PTPRR: variants seen among roughly 807,000 people sequenced by gnomAD.
PTPRR encodes receptor-type tyrosine-protein phosphatase R.
PTPRR carries 38 observed loss-of-function variants against 77.2 expected under a neutral mutation model. That is an observed-to-expected ratio of 0.49 (90% confidence interval 0.38 to 0.65). PTPRR has a LOEUF of 0.65. Ranked by LOEUF, PTPRR falls within the 30% of genes least tolerant of loss-of-function variation. PTPRR has a pLI of 0.00. For synonymous variants in PTPRR, 299 were observed against 283.1 expected (o/e 1.06, Z -0.57); for missense variants, 744 against 799.2 (o/e 0.93, Z 0.83).
chr12:70,748,847 A>G (rs1192725671), intron 5 of PTPRR, among the ~76,000 whole-genome samples: 1 of 152,212 alleles, frequency 6.6e-6, no homozygotes, highest in East Asian at 1.9e-4. Context: ...TTTTAATTTA[A>G]TAATCCTGAG....
At chr12:70,893,207 A>G (rs1379099392) in intron 1 of PTPRR, among the ~76,000 whole-genome samples, 1 of 151,940 alleles carries the variant, frequency 6.6e-6, no homozygotes, top group African/African-American at 2.4e-5. Context: ...CGTACTTTGA[A>G]AAAGTTCTAT....
chr12:70,766,841 G>A (rs1285844039), intron 2 of PTPRR, among the ~76,000 whole-genome samples: 1 of 152,212 alleles, frequency 6.6e-6, no homozygotes, highest in Non-Finnish European at 1.5e-5. Flanking sequence ...CAAGCCAGAA[G>A]AGAGTGGGGG....
At chr12:70,907,528 C>T (rs1893639963) in intron 1 of PTPRR, among the ~76,000 whole-genome samples, 1 of 152,124 alleles carries the variant, frequency 6.6e-6, no homozygotes, top group Non-Finnish European at 1.5e-5. Flanking sequence ...CTGCTATTTG[C>T]TGGTGGTAAA....
intron 1 of PTPRR, among the ~76,000 whole-genome samples, chr12:70,897,932 C>T (rs1592822247): frequency 7.0e-6 from 1 of 143,248 alleles, no homozygotes; most frequent in African/African-American, 2.6e-5. Context: ...TGTTCTCACT[C>T]ATAGGTGGGA....
At position 70,761,503 on chromosome 12, in the gene PTPRR, A is replaced by G. The variant is rs1179767147; in HGVS notation, c.595T>C (p.Ser199Pro). The change falls in exon 4 of 14, where the codon TCC (serine) becomes CCC (proline). Residue 199 changes from serine (S) to proline (P), a missense_variant. Physicochemically the swap from Ser to Pro is moderately conservative, Grantham distance 74. Transcript: ENST00000283228. Reference protein sequence around the residue: ...LNINVLHQSLSQFGITEVSPE... With the variant: ...LNINVLHQSLPQFGITEVSPE... ...GAGACTTCTGTAATTCCAAACTGGG[A>G]TAAACTTTGATGCAAAACATTGATA... The G allele has an allele frequency of 1.2e-6, 2 of 1,609,704 alleles. No individual in the cohort carries two copies. Among genetic ancestry groups the G allele is most frequent in the Middle Eastern group, 1.7e-4 (1 of 6,036 alleles).
At chr12:70,671,732 G>C (rs1024022886) in intron 10 of PTPRR, among the ~76,000 whole-genome samples, 10 of 152,344 alleles carry the variant, frequency 6.6e-5, no homozygotes, top group African/African-American at 2.4e-4. Context: ...ACTGAATGGA[G>C]AGCTCTGAGC....
At chr12:70,800,031 T>C (rs1273091819) in intron 2 of PTPRR, among the ~76,000 whole-genome samples, 4 of 152,172 alleles carry the variant, frequency 2.6e-5, no homozygotes, top group African/African-American at 7.2e-5. Flanking sequence ...CCTATTTACC[T>C]GGAGGTGCAG....
At chr12:70,672,058 G>A in intron 10 of PTPRR, 1 of 1,312,618 alleles carries the variant, frequency 7.6e-7, no homozygotes, top group Non-Finnish European at 1.1e-6. Context: ...CAGAGATGGA[G>A]AATGGTGGAA....
rs150939103 is a variant in PTPRR, at chr12:70,676,459, T to C, written c.1497+7668A>G. On this transcript the variant is annotated intron_variant, in intron 10 of 13. Transcript: ENST00000283228. ...TTATTATTTCAGTTATTTTAATTTA[T>C]GTGAATCTATTTAATTGTTGCTGCT... Among the ~76,000 whole-genome samples, 514 of 152,174 alleles carry C rather than the reference T, an allele frequency of 3.4e-3. 3 individuals are homozygous for C. The highest frequency in any genetic ancestry group is 0.011 in the African/African-American group (466 of 41,574).
At chr12:70,738,973 T>C (rs940423213) in intron 6 of PTPRR, among the ~76,000 whole-genome samples, 4 of 152,246 alleles carry the variant, frequency 2.6e-5, no homozygotes, top group African/African-American at 9.6e-5. Context: ...ATGCATTTGT[T>C]AGACCAGAAT....
intron 2 of PTPRR, among the ~76,000 whole-genome samples, chr12:70,891,392 A>G (rs762647471): frequency 9.2e-5 from 14 of 152,132 alleles, no homozygotes; most frequent in Non-Finnish European, 1.8e-4. Flanking sequence ...GCATCTCCAG[A>G]TACAGAGACA....
chr12:70,745,557 T>C (rs1890186496), intron 6 of PTPRR, among the ~76,000 whole-genome samples: 1 of 152,132 alleles, frequency 6.6e-6, no homozygotes, highest in Admixed American at 6.5e-5. Flanking sequence ...AGAAATTGTC[T>C]TGTAGTTGAA....
chr12:70,750,296 C>T (rs1412428498), intron 5 of PTPRR, among the ~76,000 whole-genome samples: 3 of 152,146 alleles, frequency 2.0e-5, no homozygotes, highest in Non-Finnish European at 2.9e-5. Flanking sequence ...CCATGCTTTT[C>T]ATTTCTACGG....
chr12:70,730,252 T>G (rs567495667), intron 6 of PTPRR, among the ~76,000 whole-genome samples: 1 of 152,340 alleles, frequency 6.6e-6, no homozygotes, highest in East Asian at 1.9e-4. Flanking sequence ...GGCTCACTCC[T>G]GTAATCCCAA....
chr12:70,799,369 A>C (rs1891572404), intron 2 of PTPRR, among the ~76,000 whole-genome samples: 1 of 152,192 alleles, frequency 6.6e-6, no homozygotes, highest in African/African-American at 2.4e-5. Context: ...CAGTTGTTAA[A>C]ATTTTCAATT....
intron 2 of PTPRR, among the ~76,000 whole-genome samples, chr12:70,822,595 C>T (rs1325194994): frequency 2.0e-5 from 3 of 152,142 alleles, no homozygotes; most frequent in Non-Finnish European, 4.4e-5. Flanking sequence ...AGATGGCAAG[C>T]CATGGAGCCG....
At chr12:70,759,711 C>T (rs1444725948) in intron 4 of PTPRR, among the ~76,000 whole-genome samples, 5 of 88,980 alleles carry the variant, frequency 5.6e-5, no homozygotes, top group African/African-American at 1.9e-4. Context: ...AAAAAACAAA[C>T]GAAAGGTATG....
chr12:70,644,137 C>A (rs1312339901), intron 13 of PTPRR, among the ~76,000 whole-genome samples: 1 of 152,198 alleles, frequency 6.6e-6, no homozygotes, highest in Non-Finnish European at 1.5e-5. Flanking sequence ...TAAATACTTG[C>A]CTCTGGCGTT....
In PTPRR at chr12:70,764,446, AT is replaced by A. The variant is rs1345398609; in HGVS notation, c.471+218del. On this transcript the variant is annotated intron_variant, in intron 3 of 13. Coordinates refer to ENST00000283228, the MANE Select transcript of PTPRR (RefSeq NM_002849.4). ...TAAACAGTTTAGGCTTCATGAGCCA[AT>A]CTTTTGCAACTACTGAACTCTGCCA... Among the ~76,000 whole-genome samples the A allele has an allele frequency of 3.6e-4, 55 of 152,316 alleles. No individual in the cohort carries two copies. The East Asian group carries it at 9.5e-3, about 26-fold the overall frequency.
Sources: gnomAD v4.1 joint callset for allele counts (sites outside exome capture counted in the v4.1 genomes callset) on GRCh38, gnomAD v4.1.1 for gene constraint, MANE v1.5 for transcripts, NCBI Gene and HGNC (gene_info 2026-07-23, HGNC 2026-07-21) for gene names.